FAM13A: variants seen among roughly 807,000 people sequenced by gnomAD.
FAM13A encodes the protein protein FAM13A.
Under a neutral mutation model 129.6 loss-of-function variants are expected in FAM13A, and 76 were observed. The observed-to-expected ratio is 0.59, with a 90% CI of 0.49 to 0.71. The LOEUF is 0.71. Among genes scored for constraint, FAM13A ranks in the 30% least tolerant of loss-of-function variants. The pLI, the probability that FAM13A is intolerant of heterozygous loss-of-function variation, is 0.00. For synonymous variants in FAM13A, 443 were observed against 449.9 expected, an observed-to-expected ratio of 0.98 and a Z score of 0.20; for missense variants, 1,108 against 1,249.3, an observed-to-expected ratio of 0.89 and a Z score of 1.70.
At chr4:88,822,743 G>A (rs1394833232) in intron 7 of FAM13A, among the ~76,000 whole-genome samples, 1 of 152,100 alleles carries the variant, frequency 6.6e-6, no homozygotes, top group Admixed American at 6.5e-5. Flanking sequence ...TCCATTCAGA[G>A]AAGGATATAA....
intron 3 of FAM13A, among the ~76,000 whole-genome samples, chr4:88,993,812 A>C (rs1447690444): frequency 6.6e-6 from 1 of 152,080 alleles, no homozygotes; most frequent in Non-Finnish European, 1.5e-5. Context: ...CAGCCTGACC[A>C]ACAAGATGAA....
At chr4:88,873,534 A>T (rs1250733850) in intron 6 of FAM13A, among the ~76,000 whole-genome samples, 1 of 152,258 alleles carries the variant, frequency 6.6e-6, no homozygotes, top group Non-Finnish European at 1.5e-5. Context: ...TAAACTAGAA[A>T]ATCTAGAAGA....
At chr4:89,011,004 C>T (rs1266259984) in intron 3 of FAM13A, among the ~76,000 whole-genome samples, 7 of 151,998 alleles carry the variant, frequency 4.6e-5, no homozygotes, top group East Asian at 1.9e-4. Flanking sequence ...CCTGCCACCA[C>T]GCCTGGCTAA....
At chr4:88,757,489 A>C (rs1578515362) in intron 14 of FAM13A, among the ~76,000 whole-genome samples, 1 of 152,222 alleles carries the variant, frequency 6.6e-6, no homozygotes, top group African/African-American at 2.4e-5. Context: ...TTAAAAACTA[A>C]CATGATTATT....
chr4:88,971,923 C>G (rs1262307751), intron 4 of FAM13A, among the ~76,000 whole-genome samples: 1 of 152,128 alleles, frequency 6.6e-6, no homozygotes, highest in East Asian at 1.9e-4. Context: ...ATTTAGAAGA[C>G]CAGACTGCTG....
intron 4 of FAM13A, among the ~76,000 whole-genome samples, chr4:88,945,857 T>C (rs1393337355): frequency 2.3e-5 from 3 of 129,350 alleles, no homozygotes; most frequent in Non-Finnish European, 3.2e-5. Context: ...TGTATATATA[T>C]ATACACATAG....
intron 7 of FAM13A, among the ~76,000 whole-genome samples, chr4:88,828,763 C>G (rs1288156485): frequency 6.6e-6 from 1 of 152,162 alleles, no homozygotes; most frequent in Non-Finnish European, 1.5e-5. Flanking sequence ...ATAAGATAAA[C>G]TGGATGCCAC....
chr4:88,778,880 T>C (rs1041322919), intron 11 of FAM13A, among the ~76,000 whole-genome samples: 1 of 152,144 alleles, frequency 6.6e-6, no homozygotes, highest in South Asian at 2.1e-4. Flanking sequence ...AGAAAACAAT[T>C]GCCTCAGAGC....
intron 7 of FAM13A, among the ~76,000 whole-genome samples, chr4:88,840,400 A>G (rs1216936216): frequency 1.3e-5 from 2 of 152,220 alleles, no homozygotes; most frequent in African/African-American, 4.8e-5. Flanking sequence ...GGGATTACAA[A>G]AATGTTGAGA....
At chr4:88,776,319 C>T (rs552869156) in intron 11 of FAM13A, among the ~76,000 whole-genome samples, 8 of 152,156 alleles carry the variant, frequency 5.3e-5, no homozygotes, top group South Asian at 4.1e-4. Context: ...TATTGAAGGG[C>T]GGTACAGTGG....
In FAM13A at chr4:89,023,889, C is replaced by T. The variant is rs7691517; in HGVS notation, c.218-3220G>A. Among the ~76,000 whole-genome samples the T allele has an allele frequency of 9.2e-3, 1,399 of 152,252 alleles. 16 individuals carry two copies. Among genetic ancestry groups the T allele is most frequent in the African/African-American group, 0.032 (1,349 of 41,546 alleles). On this transcript the variant is annotated intron_variant, in intron 2 of 23. Coordinates refer to ENST00000264344, the MANE Select transcript of FAM13A (RefSeq NM_014883.4). ...ACCATATAACCTTTAAATTTTCCTA[C>T]TCTAAAATTGTAGAAAGTTATGACT...
At chr4:88,985,121 GT>G (rs1762076662) in intron 4 of FAM13A, among the ~76,000 whole-genome samples, 1 of 152,176 alleles carries the variant, frequency 6.6e-6, no homozygotes, top group African/African-American at 2.4e-5. Flanking sequence ...AAGGAATGAT[GT>G]ACTGACACAT....
At chr4:88,745,449 G>A (rs1158810294) in intron 19 of FAM13A, among the ~76,000 whole-genome samples, 2 of 152,188 alleles carry the variant, frequency 1.3e-5, no homozygotes, top group Non-Finnish European at 2.9e-5. Flanking sequence ...CTAGAACACA[G>A]CTGTGAGCTC....
At chr4:88,729,839 C>CA (rs1221471165) in intron 23 of FAM13A, 1 of 151,954 alleles carries the variant, frequency 6.6e-6, no homozygotes, top group Non-Finnish European at 1.5e-5. Flanking sequence ...AAGGATAAGC[C>CA]AAAAAATAGG....
At chr4:89,051,266 AATGGCT>A (rs1271629107) in intron 1 of FAM13A, among the ~76,000 whole-genome samples, 1 of 152,146 alleles carries the variant, frequency 6.6e-6, no homozygotes, top group African/African-American at 2.4e-5. Flanking sequence ...TGGTTCCACA[AATGGCT>A]ATCTTTTTGC....
intron 1 of FAM13A, among the ~76,000 whole-genome samples, chr4:89,052,715 C>A (rs1771768409): frequency 6.6e-6 from 1 of 151,906 alleles, no homozygotes; most frequent in Non-Finnish European, 1.5e-5. Context: ...TTAGTGTTCC[C>A]CACCTAGAAC....
At chr4:88,737,753 A>G in intron 20 of FAM13A, 198 bp from the exon 21 acceptor site, 1 of 590,276 alleles carries the variant, frequency 1.7e-6, no homozygotes, top group South Asian at 2.0e-5. Flanking sequence ...GCGCCCACAC[A>G]CATAAATCAA....
intron 5 of FAM13A, among the ~76,000 whole-genome samples, chr4:88,907,835 C>A (rs1443024148): frequency 6.6e-6 from 1 of 152,280 alleles, no homozygotes; most frequent in East Asian, 1.9e-4. Flanking sequence ...CATTTTAAAG[C>A]CAAAAGAGTT....
At chr4:88,815,537 A>G (rs867980825) in intron 7 of FAM13A, among the ~76,000 whole-genome samples, 2 of 152,356 alleles carry the variant, frequency 1.3e-5, no homozygotes, top group Middle Eastern at 3.4e-3. Flanking sequence ...TGATGGTTTA[A>G]AATTTGAAAG....
Sources: allele counts gnomAD v4.1 joint callset (sites outside exome capture counted in the v4.1 genomes callset), GRCh38; gene constraint gnomAD v4.1.1; transcripts MANE v1.5; gene names NCBI Gene and HGNC (gene_info 2026-07-23, HGNC 2026-07-21).